Variants in SMARCA2 observed in about 807,000 individuals in gnomAD.
SMARCA2 encodes SWI/SNF-related matrix-associated actin-dependent regulator of chromatin subfamily A member 2.
Under a neutral mutation model 199.8 loss-of-function variants are expected in SMARCA2, and 61 were observed. That is an observed-to-expected ratio of 0.31 (90% CI 0.25 to 0.38). The LOEUF (loss-of-function observed/expected upper bound fraction) is 0.38. SMARCA2 is among the 10% of genes least tolerant of loss of function. The probability of loss-of-function intolerance (pLI) is 1.00; values close to 1 mark genes in which losing one functional copy is unlikely to be tolerated. For missense variants in SMARCA2, 1,344 were observed against 2,012.2 expected (o/e 0.67, Z 6.35); for synonymous variants, 935 against 732.0 (o/e 1.28, Z -4.48).
chr9:2,192,948 A>C lies in SMARCA2; in HGVS notation c.*209A>C. ...AAATATTTGTAACATATTGTGACCA[A>C]ATGGGCCTCAAAGATTCAGATTGAA... On this transcript the variant is annotated 3_prime_UTR_variant, in exon 34 of 34. Coordinates refer to ENST00000349721, the MANE Select transcript of SMARCA2 (RefSeq NM_003070.5). 1 of 512,068 alleles carries C rather than the reference A, an allele frequency of 2.0e-6. No individual in the cohort carries two copies. Among genetic ancestry groups the C allele is most frequent in the Non-Finnish European group, 3.4e-6 (1 of 290,652 alleles). The allele number at this position is 512,068 out of a possible 1,614,324, so 31.7% of individuals were successfully genotyped here. A position where few individuals can be genotyped will look rare whatever the true frequency, so the allele number is the denominator to read the frequency against.
Position 2,039,627 on chromosome 9 carries a change from C to G in SMARCA2, c.517C>G (p.Pro173Ala). 1 of 1,614,220 alleles carries G rather than the reference C, an allele frequency of 6.2e-7. No homozygotes were observed. Among genetic ancestry groups the G allele is most frequent in the Non-Finnish European group, 8.5e-7 (1 of 1,180,050 alleles). Residue 173 changes from proline to alanine, a missense_variant, in exon 4 of 34, where the codon CCT becomes GCT. Physicochemically the swap from Pro to Ala is conservative, Grantham distance 27. Coordinates refer to ENST00000349721, the MANE Select transcript of SMARCA2 (RefSeq NM_003070.5). The surrounding 1 kb of genome is among the most constrained non-coding windows in gnomAD (Gnocchi z 4.8). ...GAGCCAGCCCAACAGAGGTCCCTCA[C>G]CTTTCAGTCCTGTCCAGCTGCATCA... is the stretch of plus-strand genomic sequence containing the variant. The part of the protein sequence containing the change: ...AMSQPNRGPS[P>A]FSPVQLHQLR...
chr9:2,054,805 C>G lies in SMARCA2; in HGVS notation c.1173+82C>G, dbSNP rs1820278744. ...AAGTGTTATCTGTGTTGCCTTTAGT[C>G]TATTCAATATTGTTACAAAGATATA... On this transcript the variant is annotated intron_variant, in intron 6 of 33. Transcript: ENST00000349721. The G allele has an allele frequency of 5.7e-6, 8 of 1,404,662 alleles. No homozygotes were observed. The Admixed American group carries it at 9.1e-5, about 16-fold the overall frequency. 87.0% of individuals were successfully genotyped at this position (1,404,662 alleles called of 1,614,324 possible).
chr9:2,025,542 A>G (rs939028144), intron 1 of SMARCA2, among the ~76,000 whole-genome samples: 1 of 152,098 alleles, frequency 6.6e-6, no homozygotes, highest in African/African-American at 2.4e-5. Flanking sequence ...CCACCCTACT[A>G]TGCTTACTGC....
In SMARCA2 at chr9:2,039,103, T is replaced by C. The variant is rs1029030755; in HGVS notation, c.356-363T>C. On this transcript the variant is annotated intron_variant, in intron 3 of 33. Transcript: ENST00000349721. The surrounding 1 kb of genome is among the most constrained non-coding windows in gnomAD (Gnocchi z 4.8). ...ATTGAGATGTCCTTTAAGTGTAAAATATTTAGTGGATTTCAAAGACTTAAT... is the reference window on the plus strand; with the variant it reads ...ATTGAGATGTCCTTTAAGTGTAAAACATTTAGTGGATTTCAAAGACTTAAT... Among the ~76,000 whole-genome samples, 1 of 152,180 alleles carries C rather than the reference T, an allele frequency of 6.6e-6. No homozygotes were observed. The highest frequency in any genetic ancestry group is 2.4e-5 in the African/African-American group (1 of 41,430).
chr9:2,176,440 C>G (rs540699786), intron 29 of SMARCA2, among the ~76,000 whole-genome samples: 2 of 152,048 alleles, frequency 1.3e-5, no homozygotes, highest in Non-Finnish European at 2.9e-5. Context: ...AGTCTTGGTG[C>G]CTTTCTTATT....
At chr9:2,141,911 A>G (rs1359821814) in intron 27 of SMARCA2, among the ~76,000 whole-genome samples, 1 of 152,158 alleles carries the variant, frequency 6.6e-6, no homozygotes, top group Non-Finnish European at 1.5e-5. Context: ...GATCAGCAAC[A>G]GGTGGTCTAG....
Position 2,170,304 on chromosome 9 carries a change from G to A in SMARCA2, c.4200-115G>A, listed in dbSNP as rs1586785505. The A allele has an allele frequency of 1.6e-6, 2 of 1,279,392 alleles. No individual in the cohort carries two copies. Among genetic ancestry groups the A allele is most frequent in the East Asian group, 2.5e-5 (1 of 40,132 alleles). 79.3% of individuals were successfully genotyped at this position (1,279,392 alleles called of 1,614,324 possible). Reference sequence around the variant, plus strand: ...AACCCCGTGTAATCTTCCTAACAAGGCAGGTTGGTGAGGAGACTGAGGCTT... The same window carrying A: ...AACCCCGTGTAATCTTCCTAACAAGACAGGTTGGTGAGGAGACTGAGGCTT... On this transcript the variant is annotated intron_variant, in intron 28 of 33. Coordinates refer to ENST00000349721, the MANE Select transcript of SMARCA2 (RefSeq NM_003070.5). This position sits in a 1 kb window ranked among gnomAD's most constrained non-coding sequence, Gnocchi z 4.7.
intron 15 of SMARCA2, 98 bp downstream of exon 15, chr9:2,082,093 C>T: frequency 2.0e-6 from 2 of 994,834 alleles, no homozygotes; most frequent in Non-Finnish European, 3.0e-6. Context: ...AGAATTGTAG[C>T]ATGTACTAAC....
chr9:2,028,111 C>G (rs546816727), intron 1 of SMARCA2, among the ~76,000 whole-genome samples: 3 of 149,038 alleles, frequency 2.0e-5, no homozygotes, highest in African/African-American at 7.6e-5. Flanking sequence ...GTGGTGAGCT[C>G]TGATCCAGTA....
chr9:2,146,524 T>C (rs1190256671), intron 27 of SMARCA2, among the ~76,000 whole-genome samples: 1 of 152,002 alleles, frequency 6.6e-6, no homozygotes, highest in Non-Finnish European at 1.5e-5. Flanking sequence ...TGAAAAGGGG[T>C]CCGGATCCAG....
intron 28 of SMARCA2, among the ~76,000 whole-genome samples, chr9:2,165,621 G>T (rs1158226400): frequency 6.6e-6 from 1 of 152,082 alleles, no homozygotes; most frequent in African/African-American, 2.4e-5. Flanking sequence ...TTTGTTTTCT[G>T]CTTATTTAGA....
chr9:2,109,566 A>G (rs1392976620), intron 23 of SMARCA2, among the ~76,000 whole-genome samples: 1 of 152,126 alleles, frequency 6.6e-6, no homozygotes, highest in African/African-American at 2.4e-5. Flanking sequence ...GTTGGTTTTG[A>G]TTTAGCATGC....
intron 31 of SMARCA2, among the ~76,000 whole-genome samples, chr9:2,182,750 C>G (rs1827141006): frequency 6.6e-6 from 1 of 150,960 alleles, no homozygotes; most frequent in Non-Finnish European, 1.5e-5. Context: ...CTGCCTCGGC[C>G]TCCCAAAGTG....
chr9:2,028,315 T>G (rs1431998361), intron 1 of SMARCA2, among the ~76,000 whole-genome samples: 1 of 151,776 alleles, frequency 6.6e-6, no homozygotes, highest in Non-Finnish European at 1.5e-5. Context: ...GGTGGCCGTT[T>G]GTTGTGCTGA....
chr9:2,030,483 G>A (rs547186171), intron 2 of SMARCA2, among the ~76,000 whole-genome samples: 178 of 151,960 alleles, frequency 1.2e-3, no homozygotes, highest in African/African-American at 3.9e-3. Flanking sequence ...AAGTCTGAGG[G>A]CAGGAGAAGA....
chr9:2,147,222 A>G lies in SMARCA2; in HGVS notation c.3982-14464A>G, dbSNP rs986529063. On this transcript the variant is annotated intron_variant, in intron 27 of 33. Transcript: ENST00000349721. Reference sequence around the variant, plus strand: ...CGAGCTATTAAGTATTATTACAGGGAAAAAATGTACTGAGTGACCAAAAAA... The same window carrying G: ...CGAGCTATTAAGTATTATTACAGGGGAAAAATGTACTGAGTGACCAAAAAA... Among the ~76,000 whole-genome samples, 39 of 143,024 alleles carry G rather than the reference A, an allele frequency of 2.7e-4. 1 individual carries two copies. Among genetic ancestry groups the G allele is most frequent in the African/African-American group, 1.0e-3 (38 of 38,034 alleles). The allele number at this position is 143,024 out of a possible 152,430, so 93.8% of individuals were successfully genotyped here.
intron 27 of SMARCA2, among the ~76,000 whole-genome samples, chr9:2,153,312 A>G (rs1425666854): frequency 6.6e-6 from 1 of 152,194 alleles, no homozygotes; most frequent in Non-Finnish European, 1.5e-5. Flanking sequence ...CAAAGCAGGA[A>G]GATCGCTTGC....
Position 2,130,043 on chromosome 9 carries a change from G to C in SMARCA2, c.3981+6106G>C, listed in dbSNP as rs529391897. ...TAATTATTGTACGTTTTGTAGAGTCGGGGTTTTGCCCCATTTGCCAGGCTG... is the reference window on the plus strand; with the variant it reads ...TAATTATTGTACGTTTTGTAGAGTCCGGGTTTTGCCCCATTTGCCAGGCTG... On this transcript the variant is annotated intron_variant, in intron 27 of 33. Coordinates refer to ENST00000349721, the MANE Select transcript of SMARCA2 (RefSeq NM_003070.5). Among the ~76,000 whole-genome samples, 41 of 152,168 alleles carry C rather than the reference G, an allele frequency of 2.7e-4. 1 individual carries two copies. In the South Asian group the frequency reaches 7.9e-3, roughly 29 times the overall value.
chr9:2,054,460 G>A lies in SMARCA2; in HGVS notation c.1047-137G>A. Reference sequence around the variant, plus strand: ...GCTTAACATCAAAAATTCTAGTTGGGTGTTAGAGATCAACTATCAGTATCT... The same window carrying A: ...GCTTAACATCAAAAATTCTAGTTGGATGTTAGAGATCAACTATCAGTATCT... On this transcript the variant is annotated intron_variant, in intron 5 of 33. Coordinates refer to ENST00000349721, the MANE Select transcript of SMARCA2 (RefSeq NM_003070.5). The A allele has an allele frequency of 1.7e-5, 17 of 1,010,388 alleles. No individual in the cohort carries two copies. In the South Asian group the frequency reaches 2.6e-4, roughly 16 times the overall value. 62.6% of individuals were successfully genotyped at this position (1,010,388 alleles called of 1,614,324 possible).
Sources: gnomAD v4.1 joint callset for allele counts (sites outside exome capture counted in the v4.1 genomes callset) on GRCh38, gnomAD v4.1.1 for gene constraint, Gnocchi (gnomAD v3.1) non-coding constraint, MANE v1.5 for transcripts, NCBI Gene and HGNC (gene_info 2026-07-23, HGNC 2026-07-21) for gene names.